Variants in DCAF6 observed in about 807,000 individuals in gnomAD.
DCAF6 encodes DDB1- and CUL4-associated factor 6.
Under a neutral mutation model 125.1 loss-of-function variants are expected in DCAF6, and 54 were observed. That is an observed-to-expected ratio of 0.43 (90% CI 0.35 to 0.54). The LOEUF is 0.54. DCAF6 is among the 20% of genes least tolerant of loss of function. The probability of loss-of-function intolerance (pLI) is 0.01; values close to 1 mark genes in which losing one functional copy is unlikely to be tolerated. For synonymous variants in DCAF6, 371 were observed against 390.4 expected (o/e 0.95, Z 0.58); for missense variants, 934 against 1,161.7 (o/e 0.80, Z 2.85).
the DCAF6 span, chr1:167,878,666 G>C: frequency 1.2e-6 from 2 of 1,601,676 alleles, no homozygotes; most frequent in African/African-American, 2.7e-5. Flanking sequence ...TCAAAGATCA[G>C]GGAAATAACA....
At chr1:167,912,329 C>A in the DCAF6 span, among the ~76,000 whole-genome samples, 12 of 152,182 alleles carry the variant, frequency 7.9e-5, no homozygotes, top group Non-Finnish European at 1.8e-4. Flanking sequence ...AAATGAAGGC[C>A]ATTAGAAACA....
intron 3 of DCAF6, among the ~76,000 whole-genome samples, chr1:167,971,449 T>G (rs1169879984): frequency 6.6e-6 from 1 of 152,178 alleles, no homozygotes; most frequent in African/African-American, 2.4e-5. Flanking sequence ...AATCTGTATA[T>G]TCGATACCTC....
chr1:167,905,797 T>C, the DCAF6 span, among the ~76,000 whole-genome samples: 2 of 152,000 alleles, frequency 1.3e-5, no homozygotes, highest in Non-Finnish European at 2.9e-5. Flanking sequence ...AAGCTGTAAA[T>C]GGAAGGAAAT....
intron 10 of DCAF6, among the ~76,000 whole-genome samples, chr1:168,010,344 G>C (rs1183681646): frequency 2.0e-5 from 3 of 152,144 alleles, no homozygotes; most frequent in African/African-American, 7.2e-5. Context: ...AATTGAAGCA[G>C]TGAGTGAGTT....
chr1:167,907,492 T>C, the DCAF6 span, among the ~76,000 whole-genome samples: 1 of 152,184 alleles, frequency 6.6e-6, no homozygotes, highest in African/African-American at 2.4e-5. Context: ...TGTAGTGGAG[T>C]ATACTCATTC....
chr1:167,949,108 T>C (rs1673533635), intron 1 of DCAF6, among the ~76,000 whole-genome samples: 1 of 152,228 alleles, frequency 6.6e-6, no homozygotes, highest in Admixed American at 6.5e-5. Context: ...AATAAAGCAG[T>C]GTTCTTATGG....
intron 12 of DCAF6, among the ~76,000 whole-genome samples, chr1:168,030,637 TTGGTGG>T (rs1686961395): frequency 1.3e-5 from 2 of 152,146 alleles, no homozygotes; most frequent in Non-Finnish European, 2.9e-5. Flanking sequence ...TAAACAGGAC[TTGGTGG>T]TAGATTGAAT....
At chr1:168,055,202 G>A (rs553216539) in intron 17 of DCAF6, among the ~76,000 whole-genome samples, 109 of 152,128 alleles carry the variant, frequency 7.2e-4, no homozygotes, top group African/African-American at 2.5e-3. Context: ...TACTATGAAA[G>A]TAGAGATATA....
intron 10 of DCAF6, among the ~76,000 whole-genome samples, chr1:168,009,480 C>CCCTT (rs1683966930): frequency 6.7e-6 from 1 of 148,342 alleles, no homozygotes; most frequent in African/African-American, 2.5e-5. Flanking sequence ...CTCCCTCCCT[C>CCCTT]CCTTCCTTCA....
chr1:168,005,648 T>G (rs1225336043), intron 10 of DCAF6, among the ~76,000 whole-genome samples: 2 of 152,198 alleles, frequency 1.3e-5, no homozygotes, highest in African/African-American at 4.8e-5. Context: ...AGCTGAAACC[T>G]ATAAAAAAAT....
intron 2 of DCAF6, among the ~76,000 whole-genome samples, chr1:167,963,504 A>T (rs1193434309): frequency 1.3e-5 from 2 of 150,002 alleles, no homozygotes; most frequent in African/African-American, 4.9e-5. Context: ...AGAGTGGTTC[A>T]ATCTCAGCTC....
intron 17 of DCAF6, among the ~76,000 whole-genome samples, chr1:168,057,412 T>C (rs1691018902): frequency 6.6e-6 from 1 of 152,196 alleles, no homozygotes; most frequent in Non-Finnish European, 1.5e-5. Flanking sequence ...AATAGTAAAA[T>C]ACAAAGTCAG....
Position 167,936,869 on chromosome 1 carries a change from C to CCCCACGCGGTGGTCTCCCCT in DCAF6, c.-37_-18dup. On this transcript the variant is annotated 5_prime_UTR_variant, in exon 1 of 22. Coordinates refer to ENST00000367840, the MANE Select transcript of DCAF6 (RefSeq NM_001198956.2). ...GGTGTCCCCTCCCCCTCCTCCCCTC[C>CCCCACGCGGTGGTCTCCCCT]CCCACGCGGTGGTCTCCCCTCCCAC... 1 of 1,503,634 alleles carries CCCCACGCGGTGGTCTCCCCT rather than the reference C, an allele frequency of 6.7e-7. No homozygotes were observed. Among genetic ancestry groups the CCCCACGCGGTGGTCTCCCCT allele is most frequent in the Non-Finnish European group, 9.1e-7 (1 of 1,103,658 alleles). 93.1% of individuals were successfully genotyped at this position (1,503,634 alleles called of 1,614,324 possible). A position where few individuals can be genotyped will look rare whatever the true frequency, so the allele number is the denominator to read the frequency against.
the DCAF6 span, among the ~76,000 whole-genome samples, chr1:167,887,698 AAAAT>A: frequency 3.3e-5 from 5 of 151,868 alleles, no homozygotes; most frequent in African/African-American, 9.7e-5. Flanking sequence ...AAGTATAATA[AAAAT>A]AAATAAATAA....
At chr1:167,966,899 T>C (rs990318125) in intron 3 of DCAF6, among the ~76,000 whole-genome samples, 178 bp downstream of exon 3, 2 of 152,182 alleles carry the variant, frequency 1.3e-5, no homozygotes, top group Non-Finnish European at 2.9e-5. Flanking sequence ...TTAGATTACT[T>C]AGGGAAACAA....
chr1:168,075,430 G>C lies in DCAF6; in HGVS notation c.2851G>C (p.Glu951Gln). The C allele has an allele frequency of 6.3e-7, 1 of 1,596,960 alleles. No individual in the cohort carries two copies. The highest frequency in any genetic ancestry group is 1.3e-5 in the African/African-American group (1 of 74,184). Residue 951 changes from glutamate to glutamine, a missense_variant, in exon 22 of 22, where the codon GAA becomes CAA. Coordinates refer to ENST00000367840, the MANE Select transcript of DCAF6 (RefSeq NM_001198956.2). ...TCAAGAGAATGAAAATGAGGATGAG[G>C]AATAATAAACTCTTTTTGGCAAGCA... ...SGQENENEDEE is the reference protein window; with the variant it reads ...SGQENENEDEQ
rs535146970 is a variant in DCAF6 at position 167,986,246 on chromosome 1, G to A, written c.439-1249G>A. Among the ~76,000 whole-genome samples, 103 of 152,268 alleles carry A rather than the reference G, an allele frequency of 6.8e-4. No homozygotes were observed. The Middle Eastern group carries it at 0.01, about 15-fold the overall frequency. On this transcript the variant is annotated intron_variant, in intron 4 of 21. Transcript: ENST00000367840. ...GTGGAACTGCTGGGTTATAGGAGAA[G>A]CATATGATCAGCTTTAATAGATATT...
the DCAF6 span, among the ~76,000 whole-genome samples, chr1:167,924,866 C>T: frequency 6.6e-6 from 1 of 152,156 alleles, no homozygotes; most frequent in African/African-American, 2.4e-5. Context: ...TCAAGTAACA[C>T]TCTCATCCCA....
At chr1:168,017,919 C>G (rs1215939306) in intron 11 of DCAF6, among the ~76,000 whole-genome samples, 1 of 152,094 alleles carries the variant, frequency 6.6e-6, no homozygotes, top group African/African-American at 2.4e-5. Flanking sequence ...AAACATATTT[C>G]TGTTGTCTTC....
Sources: allele counts gnomAD v4.1 joint callset (sites outside exome capture counted in the v4.1 genomes callset), GRCh38; gene constraint gnomAD v4.1.1; transcripts MANE v1.5; gene names NCBI Gene and HGNC (gene_info 2026-07-23, HGNC 2026-07-21).